The following POGK variants were observed in gnomAD, a reference collection of about 807,000 sequenced individuals.
POGK encodes the protein pogo transposable element with KRAB domain.
A neutral mutation model predicts 54.4 loss-of-function variants in POGK; 16 were observed. That is an observed-to-expected ratio of 0.29 (90% CI 0.20 to 0.45). The LOEUF (loss-of-function observed/expected upper bound fraction) is 0.45. Ranked by LOEUF, POGK falls within the 20% of genes least tolerant of loss-of-function variation. The pLI, the probability that POGK is intolerant of heterozygous loss-of-function variation, is 1.00. For missense variants in POGK, 515 were observed against 795.6 expected (o/e 0.65, Z 4.24); for synonymous variants, 271 against 302.2 (o/e 0.90, Z 1.07).
intron 2 of POGK, among the ~76,000 whole-genome samples, chr1:166,843,096 A>G (rs1165801937): frequency 6.6e-6 from 1 of 152,246 alleles, no homozygotes; most frequent in Non-Finnish European, 1.5e-5. Flanking sequence ...AAAATAAAAA[A>G]TGTGCTTTGA....
intron 2 of POGK, among the ~76,000 whole-genome samples, chr1:166,842,920 C>G (rs1657574552): frequency 6.6e-6 from 1 of 152,062 alleles, no homozygotes; most frequent in Admixed American, 6.5e-5. Flanking sequence ...TTGAGAAACC[C>G]TGCTCTAGAG....
At chr1:166,846,038 C>G (rs1657830848) in intron 2 of POGK, among the ~76,000 whole-genome samples, 2 of 152,200 alleles carry the variant, frequency 1.3e-5, no homozygotes, top group South Asian at 4.1e-4. Context: ...TGGCTCCTCC[C>G]TGGGCAGCTG....
Position 166,849,414 on chromosome 1 carries a change from C to G in POGK, c.835C>G (p.Pro279Ala). Residue 279 changes from proline to alanine, a missense_variant, in exon 5 of 6, where the codon CCC becomes GCC. This residue lies in a region of POGK where 461 missense variants were observed against 743.5 expected (regional missense o/e 0.62). Transcript: ENST00000367876. ...CAGATACATGCAGGCCAAAGGGGAC[C>G]CCATCACCCGGGAGGCGATGCAGCT... ...YVRYMQAKGD[P>A]ITREAMQLKA... The G allele has an allele frequency of 6.2e-7, 1 of 1,614,224 alleles. No homozygotes were observed. The highest frequency in any genetic ancestry group is 8.5e-7 in the Non-Finnish European group (1 of 1,180,054).
At position 166,852,925 on chromosome 1, in the gene POGK, G is replaced by A. The variant is rs570417214; in HGVS notation, c.*355G>A. On this transcript the variant is annotated 3_prime_UTR_variant, in exon 6 of 6. Transcript: ENST00000367876. Reference sequence around the variant, plus strand: ...AACAAAGGTTATTTCCTGGAGAAAAGACAATTTATTCAACACCAACGAGGG... The same window carrying A: ...AACAAAGGTTATTTCCTGGAGAAAAAACAATTTATTCAACACCAACGAGGG... 1 of 152,350 alleles carries A rather than the reference G, an allele frequency of 6.6e-6. No individual in the cohort carries two copies. Among genetic ancestry groups the A allele is most frequent in the African/African-American group, 2.4e-5 (1 of 41,572 alleles). The allele number at this position is 152,350 out of a possible 1,614,324, so 9.4% of individuals were successfully genotyped here. A position where few individuals can be genotyped will look rare whatever the true frequency, so the allele number is the denominator to read the frequency against.
In POGK at chr1:166,850,392, A is replaced by G. The variant is rs746793021; in HGVS notation, c.1813A>G (p.Met605Val). Reference sequence around the variant, plus strand: ...ACCAAAAGATTGTGACACCGAAAGCATGGCTGAGAGCAACTGAAGGGAAAG... The same window carrying G: ...ACCAAAAGATTGTGACACCGAAAGCGTGGCTGAGAGCAACTGAAGGGAAAG... ...EPPKDCDTES[M>V]AESN is the part of the protein sequence containing the mutation. The change falls in exon 5 of 6, where the codon ATG becomes GTG. Residue 605 changes from methionine (M) to valine (V), a missense_variant. Around this residue, in one of 2 missense-constraint regions of POGK, gnomAD observed 461 missense variants for 743.5 expected, o/e 0.62. Transcript: ENST00000367876. 9.9e-6 allele frequency: 16 copies of G among 1,609,676 alleles called. No individual in the cohort carries two copies. In the South Asian group the frequency reaches 1.8e-4, roughly 18 times the overall value.
chr1:166,843,897 A>C (rs1162646198), intron 2 of POGK, among the ~76,000 whole-genome samples: 1 of 152,196 alleles, frequency 6.6e-6, no homozygotes, highest in Non-Finnish European at 1.5e-5. Flanking sequence ...AAGGCCAAGG[A>C]GGGGTGTCTG....
intron 1 of POGK, chr1:166,839,983 C>T (rs950196765): frequency 2.0e-5 from 3 of 152,274 alleles, no homozygotes; most frequent in African/African-American, 7.2e-5. Flanking sequence ...GGCGGCCCCT[C>T]CCACCTCTGC....
chr1:166,849,131 T>C lies in POGK; in HGVS notation c.552T>C (p.Asp184=), dbSNP rs748914183. The part of the protein sequence containing the change: ...MGFPGYDLSA[D]DIAGKFQFSR... Reference sequence around the variant, plus strand: ...TCCCAGGGTATGACCTCTCGGCTGATGACATAGCTGGGAAGTTTCAGTTCA... The same window carrying C: ...TCCCAGGGTATGACCTCTCGGCTGACGACATAGCTGGGAAGTTTCAGTTCA... Residue 184 remains aspartate (D), a synonymous_variant, in exon 5 of 6, where the codon GAT becomes GAC. Coordinates refer to ENST00000367876, the MANE Select transcript of POGK (RefSeq NM_017542.5). 1.2e-6 allele frequency: 2 copies of C among 1,614,162 alleles called. No individual in the cohort carries two copies. Among genetic ancestry groups the C allele is most frequent in the East Asian group, 4.5e-5 (2 of 44,860 alleles).
chr1:166,844,112 TG>T (rs978455551), intron 2 of POGK, among the ~76,000 whole-genome samples: 22 of 152,360 alleles, frequency 1.4e-4, no homozygotes, highest in African/African-American at 5.3e-4. Context: ...TGGAGCATAA[TG>T]TGGGCTTGTT....
intron 4 of POGK, 117 bp downstream of exon 4, chr1:166,847,709 T>C: frequency 1.3e-6 from 1 of 744,168 alleles, no homozygotes; most frequent in Non-Finnish European, 2.2e-6. Flanking sequence ...TTTGGAGTTT[T>C]GAAATCTCCC....
At chr1:166,844,162 T>A (rs1411666536) in intron 2 of POGK, among the ~76,000 whole-genome samples, 1 of 152,156 alleles carries the variant, frequency 6.6e-6, no homozygotes, top group Non-Finnish European at 1.5e-5. Context: ...TAGGAAGAGA[T>A]GAATCCTGCA....
At chr1:166,851,298 A>C (rs1658055047) in intron 5 of POGK, 1 of 152,204 alleles carries the variant, frequency 6.6e-6, no homozygotes, top group African/African-American at 2.4e-5. Flanking sequence ...GTTACCAGCG[A>C]GTAAGAATAA....
chr1:166,850,099 A>C lies in POGK; in HGVS notation c.1520A>C (p.Asp507Ala). ...GGLTSQLQVL[D>A]VVVYKPLNDS... ...CTGACCTCACAGCTTCAGGTGCTGG[A>C]TGTCGTGGTCTACAAGCCACTGAAT... Residue 507 changes from aspartate to alanine, a missense_variant, in exon 5 of 6, where the codon GAT becomes GCT. Physicochemically the swap from Asp to Ala is moderately radical, Grantham distance 126. Coordinates refer to ENST00000367876, the MANE Select transcript of POGK (RefSeq NM_017542.5). 2 of 1,608,908 alleles carry C rather than the reference A, an allele frequency of 1.2e-6. No individual in the cohort carries two copies. Among genetic ancestry groups the C allele is most frequent in the Non-Finnish European group, 1.7e-6 (2 of 1,177,704 alleles).
Position 166,849,172 on chromosome 1 carries a change from G to A in POGK, c.593G>A (p.Arg198His), listed in dbSNP as rs777165406. Reference sequence around the variant, plus strand: ...TTTCAGTTCAGCCGGGGCATGCGCCGCAGTTACGACGCAGGGTTCAAGCTG... The same window carrying A: ...TTTCAGTTCAGCCGGGGCATGCGCCACAGTTACGACGCAGGGTTCAAGCTG... ...GKFQFSRGMR[R>H]SYDAGFKLMV... is the part of the protein sequence containing the mutation. Residue 198 changes from arginine to histidine, a missense_variant, in exon 5 of 6, where the codon CGC becomes CAC. Around this residue, in one of 2 missense-constraint regions of POGK, gnomAD observed 461 missense variants for 743.5 expected, o/e 0.62. Transcript: ENST00000367876. 8.1e-6 allele frequency: 13 copies of A among 1,614,186 alleles called. No individual in the cohort carries two copies. The highest frequency in any genetic ancestry group is 1.1e-5 in the South Asian group (1 of 91,080).
intron 2 of POGK, among the ~76,000 whole-genome samples, chr1:166,845,652 T>C (rs148985884): frequency 5.8e-4 from 88 of 152,298 alleles, no homozygotes; most frequent in African/African-American, 2.0e-3. Context: ...CTTTGGGAAA[T>C]AGCTTTGAAG....
Position 166,854,203 on chromosome 1 carries a change from CCTCTGTGAGT to C in POGK, c.*1637_*1646del, listed in dbSNP as rs2101778134. On this transcript the variant is annotated 3_prime_UTR_variant, in exon 6 of 6. Coordinates refer to ENST00000367876, the MANE Select transcript of POGK (RefSeq NM_017542.5). ...CAACTCCTGTTTCGCTCCACCAACA[CCTCTGTGAGT>C]CTCATCATCAGCTGAGCGATGATGC... The C allele has an allele frequency of 6.5e-6, 1 of 152,730 alleles. No homozygotes were observed. Among genetic ancestry groups the C allele is most frequent in the Admixed American group, 6.5e-5 (1 of 15,304 alleles). The allele number at this position is 152,730 out of a possible 1,614,324, so 9.5% of individuals were successfully genotyped here. A position where few individuals can be genotyped will look rare whatever the true frequency, so the allele number is the denominator to read the frequency against.
intron 4 of POGK, among the ~76,000 whole-genome samples, chr1:166,848,656 T>C (rs1435937483): frequency 6.6e-6 from 1 of 152,236 alleles, no homozygotes; most frequent in Non-Finnish European, 1.5e-5. Context: ...ACTTTCTGGC[T>C]TGGCTACCTT....
rs1487466483 is a variant in POGK at position 166,855,719 on chromosome 1, T to C, written c.*3149T>C. On this transcript the variant is annotated 3_prime_UTR_variant, in exon 6 of 6. Transcript: ENST00000367876. Reference sequence around the variant, plus strand: ...TAGTGAGAAGTTTTCCAGTTTGCAGTTTCCTCTGTGCTGTATGTACAGCCA... The same window carrying C: ...TAGTGAGAAGTTTTCCAGTTTGCAGCTTCCTCTGTGCTGTATGTACAGCCA... 2.6e-5 allele frequency: 4 copies of C among 152,256 alleles called. No homozygotes were observed. Among genetic ancestry groups the C allele is most frequent in the African/African-American group, 9.7e-5 (4 of 41,446 alleles). 9.4% of individuals were successfully genotyped at this position (152,256 alleles called of 1,614,324 possible). A position where few individuals can be genotyped will look rare whatever the true frequency, so the allele number is the denominator to read the frequency against.
Position 166,846,698 on chromosome 1 carries a change from G to A in POGK, c.219G>A (p.Arg73=). ...VLTEQQKALY[R]EVMRMNYETV... The stretch of plus-strand genomic sequence containing the variant: ...CGGAGCAACAAAAGGCCCTCTACCG[G>A]GAAGTCATGAGGATGAATTATGAAA... Residue 73 remains arginine, a synonymous_variant, in exon 3 of 6, where the codon CGG becomes CGA. Transcript: ENST00000367876. The A allele has an allele frequency of 6.2e-7, 1 of 1,614,176 alleles. No individual in the cohort carries two copies. Among genetic ancestry groups the A allele is most frequent in the Non-Finnish European group, 8.5e-7 (1 of 1,180,030 alleles).
Sources: gnomAD v4.1 joint callset for allele counts (sites outside exome capture counted in the v4.1 genomes callset) on GRCh38, gnomAD v4.1.1 for gene constraint, gnomAD v4.1.1 regional missense constraint, MANE v1.5 for transcripts, NCBI Gene and HGNC (gene_info 2026-07-23, HGNC 2026-07-21) for gene names.